Variants in PLEKHA5 observed in about 807,000 individuals in gnomAD.
PLEKHA5 encodes pleckstrin homology domain-containing family A member 5.
In PLEKHA5, 55 loss-of-function variants were observed where a neutral mutation model predicts 181.9. The observed-to-expected ratio is 0.30, with a 90% confidence interval of 0.24 to 0.38. PLEKHA5 has a LOEUF of 0.38. Ranked by LOEUF, PLEKHA5 falls within the 10% of genes least tolerant of loss-of-function variation. The probability of loss-of-function intolerance (pLI) is 1.00; values close to 1 mark genes in which losing one functional copy is unlikely to be tolerated. For synonymous variants in PLEKHA5, 535 were observed against 529.4 expected (o/e 1.01, Z -0.15); for missense variants, 1,432 against 1,549.5 (o/e 0.92, Z 1.27).
chr12:19,229,380 ATGTTCAGATG>A (rs1386185710), intron 3 of PLEKHA5, among the ~76,000 whole-genome samples: 10 of 151,850 alleles, frequency 6.6e-5, no homozygotes, highest in Non-Finnish European at 1.5e-4. Flanking sequence ...GTTCCTTCTG[ATGTTCAGATG>A]TGTTCGGAGT....
intron 20 of PLEKHA5, among the ~76,000 whole-genome samples, chr12:19,330,124 C>G (rs940149250): frequency 2.6e-5 from 4 of 152,184 alleles, no homozygotes; most frequent in African/African-American, 9.7e-5. Context: ...TTATTTAAAT[C>G]TTCCCCTGTG....
At chr12:19,363,122 G>T (rs1428569599) in intron 29 of PLEKHA5, among the ~76,000 whole-genome samples, 2 of 146,576 alleles carry the variant, frequency 1.4e-5, no homozygotes, top group Non-Finnish European at 3.0e-5. Flanking sequence ...TTCTTTTTTT[G>T]TTTTTTTTTT....
chr12:19,161,393 C>T (rs1233009237), intron 3 of PLEKHA5, among the ~76,000 whole-genome samples: 7 of 152,118 alleles, frequency 4.6e-5, no homozygotes, highest in Non-Finnish European at 8.8e-5. Context: ...GGAGAAAATA[C>T]GTTCTCCAAA....
intron 3 of PLEKHA5, among the ~76,000 whole-genome samples, chr12:19,223,047 C>A (rs2059211221): frequency 6.8e-6 from 1 of 147,204 alleles, no homozygotes; most frequent in Non-Finnish European, 1.5e-5. Context: ...AAACCTGATA[C>A]CCTCCAGATA....
intron 3 of PLEKHA5, among the ~76,000 whole-genome samples, chr12:19,225,747 C>G (rs118167566): frequency 6.6e-6 from 1 of 152,246 alleles, no homozygotes; most frequent in Non-Finnish European, 1.5e-5. Context: ...ACCTGTTTGT[C>G]TTCTGAACAA....
At chr12:19,139,803 A>G (rs1374168430) in intron 3 of PLEKHA5, among the ~76,000 whole-genome samples, 1 of 152,186 alleles carries the variant, frequency 6.6e-6, no homozygotes, top group Non-Finnish European at 1.5e-5. Flanking sequence ...AGAGCAGTGT[A>G]AAGTCACTGG....
At position 19,274,852 on chromosome 12, in the gene PLEKHA5, T is replaced by A. The variant is rs758183782; in HGVS notation, c.1182T>A (p.Gly394=). The A allele has an allele frequency of 1.2e-6, 2 of 1,613,956 alleles. No homozygotes were observed. The highest frequency in any genetic ancestry group is 8.5e-7 in the Non-Finnish European group (1 of 1,179,996). Residue 394 remains glycine, a synonymous_variant, in exon 11 of 32, where the codon GGT becomes GGA. Transcript: ENST00000429027. The stretch of plus-strand genomic sequence containing the variant: ...ATGTTAGCCTGGCAGATCTTAGAGG[T>A]GGAAATCGCCCCAATACAGGGCCCT... The part of the protein sequence containing the change: ...IVNVSLADLR[G]GNRPNTGPLY...
chr12:19,363,579 C>T (rs550256139), intron 29 of PLEKHA5, among the ~76,000 whole-genome samples: 1 of 152,022 alleles, frequency 6.6e-6, no homozygotes, highest in East Asian at 1.9e-4. Flanking sequence ...GCAACCTCCA[C>T]CTCCTGGGTT....
At chr12:19,288,658 T>A (rs2152832172) in intron 13 of PLEKHA5, among the ~76,000 whole-genome samples, 1 of 152,358 alleles carries the variant, frequency 6.6e-6, no homozygotes, top group Non-Finnish European at 1.5e-5. Flanking sequence ...ATTTCCTTGC[T>A]TTAAGCTTCC....
chr12:19,368,836 TA>T (rs929350923), intron 30 of PLEKHA5, among the ~76,000 whole-genome samples: 10 of 149,782 alleles, frequency 6.7e-5, no homozygotes, highest in African/African-American at 2.4e-4. Context: ...TCTCACTTGT[TA>T]AAAAAAAAAT....
At chr12:19,163,579 G>A (rs903329956) in intron 3 of PLEKHA5, among the ~76,000 whole-genome samples, 2 of 152,014 alleles carry the variant, frequency 1.3e-5, no homozygotes, top group East Asian at 1.9e-4. Flanking sequence ...TGTTATCCCC[G>A]CTGTCCATCA....
intron 3 of PLEKHA5, among the ~76,000 whole-genome samples, chr12:19,191,243 C>T (rs1405610518): frequency 6.6e-6 from 1 of 152,118 alleles, no homozygotes; most frequent in Non-Finnish European, 1.5e-5. Context: ...AAACACAGTG[C>T]CCTGTGAAAC....
At chr12:19,132,340 CTT>C in intron 2 of PLEKHA5, 51 bp from the exon 3 acceptor site, 1 of 864,092 alleles carries the variant, frequency 1.2e-6, no homozygotes, top group Non-Finnish European at 1.9e-6. Context: ...TGGATTGAGA[CTT>C]ATTTTGCTAT....
chr12:19,190,435 G>C (rs541461594), intron 3 of PLEKHA5, among the ~76,000 whole-genome samples: 2 of 152,196 alleles, frequency 1.3e-5, no homozygotes, highest in Non-Finnish European at 2.9e-5. Context: ...AGAGAAGGCT[G>C]AGAGATAACT....
intron 3 of PLEKHA5, among the ~76,000 whole-genome samples, chr12:19,207,040 A>G (rs1446303336): frequency 6.6e-6 from 1 of 152,182 alleles, no homozygotes; most frequent in Admixed American, 6.5e-5. Flanking sequence ...TCCGAATTCT[A>G]TTAAATTTTT....
At chr12:19,308,079 G>A (rs575129147) in intron 15 of PLEKHA5, among the ~76,000 whole-genome samples, 1 of 152,156 alleles carries the variant, frequency 6.6e-6, no homozygotes, top group East Asian at 1.9e-4. Flanking sequence ...AGAGGAACAA[G>A]GGTATGACAG....
At chr12:19,298,408 CTTTTT>C (rs533661916) in intron 15 of PLEKHA5, among the ~76,000 whole-genome samples, 1 of 106,332 alleles carries the variant, frequency 9.4e-6, no homozygotes. Context: ...ATTTTTTTAG[CTTTTT>C]TTTTTTTTTT....
In PLEKHA5 at chr12:19,260,980, G is replaced by A; in HGVS notation, c.569G>A (p.Arg190His). 6.2e-7 allele frequency: 1 copy of A among 1,600,168 alleles called. No individual in the cohort carries two copies. Among genetic ancestry groups the A allele is most frequent in the Non-Finnish European group, 8.5e-7 (1 of 1,170,686 alleles). The change falls in exon 7 of 32, where the codon CGC (arginine) becomes CAC (histidine). Residue 190 changes from arginine (R) to histidine (H), a missense_variant. This residue lies in a region of PLEKHA5 where 289 missense variants were observed against 381.1 expected (regional missense o/e 0.76). Coordinates refer to ENST00000429027, the MANE Select transcript of PLEKHA5 (RefSeq NM_001256470.2). Reference sequence around the variant, plus strand: ...ACTGGCATGAAATTGTGGAAGAAACGCTGGTTTGTGCTTTCTGACCTTTGC... The same window carrying A: ...ACTGGCATGAAATTGTGGAAGAAACACTGGTTTGTGCTTTCTGACCTTTGC... ...DSTGMKLWKK[R>H]WFVLSDLCLF... is the part of the protein sequence containing the mutation.
chr12:19,323,458 G>A (rs940443177), intron 20 of PLEKHA5, among the ~76,000 whole-genome samples: 14 of 151,574 alleles, frequency 9.2e-5, no homozygotes, highest in East Asian at 3.9e-4. Context: ...AGCTGAGATC[G>A]CGCCATTACG....
Sources: allele counts gnomAD v4.1 joint callset (sites outside exome capture counted in the v4.1 genomes callset), GRCh38; gene constraint gnomAD v4.1.1; regional missense constraint gnomAD v4.1.1; transcripts MANE v1.5; gene names NCBI Gene and HGNC (gene_info 2026-07-23, HGNC 2026-07-21).